TSGA10: variants seen among roughly 807,000 people sequenced by gnomAD.
TSGA10 encodes the protein testis specific 10.
Under a neutral mutation model 96.6 loss-of-function variants are expected in TSGA10, and 43 were observed. That is an observed-to-expected ratio of 0.44 (90% CI 0.35 to 0.57). The LOEUF is 0.57. TSGA10 is among the 20% of genes least tolerant of loss of function. TSGA10 has a pLI of 0.01. For missense variants in TSGA10, 703 were observed against 834.4 expected (o/e 0.84, Z 1.94); for synonymous variants, 229 against 269.9 (o/e 0.85, Z 1.48).
intron 16 of TSGA10, among the ~76,000 whole-genome samples, chr2:99,064,409 T>C (rs1383195463): frequency 6.6e-6 from 1 of 152,194 alleles, no homozygotes; most frequent in African/African-American, 2.4e-5. Flanking sequence ...TCTCCAACTA[T>C]GTTTGTTTTC....
At chr2:99,136,243 T>C (rs1231362083) in intron 1 of TSGA10, among the ~76,000 whole-genome samples, 2 of 152,222 alleles carry the variant, frequency 1.3e-5, no homozygotes, top group African/African-American at 4.8e-5. Flanking sequence ...ACTATCACTG[T>C]TTTAGTTCAT....
chr2:99,135,115 G>A (rs2093270798), intron 1 of TSGA10, among the ~76,000 whole-genome samples: 1 of 152,160 alleles, frequency 6.6e-6, no homozygotes, highest in Non-Finnish European at 1.5e-5. Flanking sequence ...AGCAGAGCTT[G>A]GGCACTCTGC....
At chr2:99,112,391 G>A (rs2091894460) in intron 4 of TSGA10, among the ~76,000 whole-genome samples, 1 of 152,142 alleles carries the variant, frequency 6.6e-6, no homozygotes, top group Admixed American at 6.5e-5. Context: ...AAAGATTTCT[G>A]CCTTTGTGGA....
chr2:99,118,725 A>G (rs77369410), intron 2 of TSGA10, 39 bp from the exon 3 acceptor site: 20 of 954,088 alleles, frequency 2.1e-5, no homozygotes, highest in Non-Finnish European at 2.4e-5. Context: ...TTGAACAATG[A>G]TTATGTCAGG....
chr2:99,125,791 T>A (rs2092793449), intron 2 of TSGA10: 1 of 152,042 alleles, frequency 6.6e-6, no homozygotes, highest in African/African-American at 2.4e-5. Context: ...AGAATGGGAG[T>A]TCAGGCTCCC....
At chr2:99,042,733 T>G (rs1286234525) in intron 16 of TSGA10, among the ~76,000 whole-genome samples, 1 of 151,920 alleles carries the variant, frequency 6.6e-6, no homozygotes, top group Non-Finnish European at 1.5e-5. Flanking sequence ...AGACGGAGTC[T>G]TGCGTTGTGG....
intron 17 of TSGA10, among the ~76,000 whole-genome samples, chr2:99,034,828 T>G (rs1573674954): frequency 6.6e-6 from 1 of 152,156 alleles, no homozygotes; most frequent in Non-Finnish European, 1.5e-5. Flanking sequence ...CTGTGGCAAG[T>G]AGAATGTCAG....
At chr2:99,093,451 A>T (rs1171829655) in intron 10 of TSGA10, among the ~76,000 whole-genome samples, 1 of 152,186 alleles carries the variant, frequency 6.6e-6, no homozygotes, top group Non-Finnish European at 1.5e-5. Context: ...GCAAAGAGGA[A>T]TTCAAACTGT....
chr2:99,014,174 T>A (rs941390611), intron 20 of TSGA10, among the ~76,000 whole-genome samples: 19 of 148,746 alleles, frequency 1.3e-4, no homozygotes, highest in Admixed American at 1.1e-3. Flanking sequence ...AATAAATAAA[T>A]AAAAATAAAA....
intron 2 of TSGA10, chr2:99,126,615 G>A (rs937450028): frequency 6.5e-5 from 10 of 154,770 alleles, no homozygotes; most frequent in Non-Finnish European, 1.1e-4. Flanking sequence ...TATATTACAT[G>A]TCAAGCATCA....
intron 20 of TSGA10, among the ~76,000 whole-genome samples, chr2:99,008,046 AT>A (rs1227713825): frequency 2.6e-5 from 4 of 152,270 alleles, no homozygotes; most frequent in African/African-American, 9.6e-5. Flanking sequence ...CAAACCATAC[AT>A]AAAATAAACT....
At position 99,130,259 on chromosome 2, in the gene TSGA10, G is replaced by A. The variant is rs188681265; in HGVS notation, c.-620-3083C>T. On this transcript the variant is annotated intron_variant, in intron 1 of 20. Transcript: ENST00000393483. Reference sequence around the variant, plus strand: ...ACACTCCCACCAACAGTGTAAAAGCGTTCCTATTTCTCCACAACTTCTCCA... The same window carrying A: ...ACACTCCCACCAACAGTGTAAAAGCATTCCTATTTCTCCACAACTTCTCCA... Among the ~76,000 whole-genome samples the A allele has an allele frequency of 1.1e-3, 172 of 152,270 alleles. 1 individual carries two copies. The highest frequency in any genetic ancestry group is 3.6e-3 in the African/African-American group (150 of 41,566).
At chr2:99,032,768 G>A (rs1307045178) in intron 17 of TSGA10, among the ~76,000 whole-genome samples, 1 of 152,180 alleles carries the variant, frequency 6.6e-6, no homozygotes, top group Non-Finnish European at 1.5e-5. Context: ...GGTGGCACAT[G>A]TTCCTCTTTT....
chr2:99,085,859 A>C (rs2104633625), intron 10 of TSGA10, among the ~76,000 whole-genome samples: 1 of 152,290 alleles, frequency 6.6e-6, no homozygotes, highest in African/African-American at 2.4e-5. Context: ...AGGATAAACA[A>C]ATAGAAAACA....
chr2:99,019,473 C>T (rs574393715), intron 18 of TSGA10, among the ~76,000 whole-genome samples: 3 of 152,116 alleles, frequency 2.0e-5, no homozygotes, highest in East Asian at 1.9e-4. Context: ...ACTCAGTCAC[C>T]GCCACTATAA....
At position 99,150,834 on chromosome 2, in the gene TSGA10, A is replaced by G. The variant is rs751665325; in HGVS notation, c.-621+3859T>C. On this transcript the variant is annotated intron_variant, in intron 1 of 20. Transcript: ENST00000393483. ...GACTAGAAATGACAGATGTGGAATG[A>G]AGCAATTTGTACGTATTACCAAAGA... 30 of 1,576,520 alleles carry G rather than the reference A, an allele frequency of 1.9e-5. No homozygotes were observed. In the South Asian group the frequency reaches 3.3e-4, roughly 17 times the overall value.
At chr2:99,009,982 A>G (rs1446653494) in intron 20 of TSGA10, among the ~76,000 whole-genome samples, 1 of 152,168 alleles carries the variant, frequency 6.6e-6, no homozygotes, top group Non-Finnish European at 1.5e-5. Context: ...TTGTATTCTT[A>G]TTTTTGTAAC....
intron 10 of TSGA10, among the ~76,000 whole-genome samples, chr2:99,083,722 T>C (rs915431319): frequency 1.3e-5 from 2 of 152,190 alleles, no homozygotes; most frequent in African/African-American, 4.8e-5. Context: ...TTGAAAATCA[T>C]GGCTGTATGA....
intron 20 of TSGA10, among the ~76,000 whole-genome samples, chr2:99,014,777 A>T (rs1400937858): frequency 6.6e-6 from 1 of 152,202 alleles, no homozygotes; most frequent in Admixed American, 6.5e-5. Context: ...AGAAGATCCA[A>T]ATTAGCTCAA....
Sources: allele counts gnomAD v4.1 joint callset (sites outside exome capture counted in the v4.1 genomes callset), GRCh38; gene constraint gnomAD v4.1.1; transcripts MANE v1.5; gene names NCBI Gene and HGNC (gene_info 2026-07-23, HGNC 2026-07-21).